SLC44A5: variants seen among roughly 807,000 people sequenced by gnomAD.
SLC44A5 encodes solute carrier family 44 member 5.
A neutral mutation model predicts 101.8 loss-of-function variants in SLC44A5; 57 were observed. That is an observed-to-expected ratio of 0.56 (90% confidence interval 0.45 to 0.70). SLC44A5 has a LOEUF of 0.70. Ranked by LOEUF, SLC44A5 falls within the 30% of genes least tolerant of loss-of-function variation. The pLI is 0.00. For synonymous variants in SLC44A5, 281 were observed against 290.9 expected (o/e 0.97, Z 0.35); for missense variants, 737 against 853.1 (o/e 0.86, Z 1.70).
intron 1 of SLC44A5, among the ~76,000 whole-genome samples, chr1:75,599,256 C>T (rs1674829860): frequency 6.6e-6 from 1 of 152,018 alleles, no homozygotes; most frequent in African/African-American, 2.4e-5. Flanking sequence ...TTGGGAGCAA[C>T]GCTAAGAAAG....
At chr1:75,540,738 G>A (rs1353145387) in intron 2 of SLC44A5, among the ~76,000 whole-genome samples, 1 of 151,672 alleles carries the variant, frequency 6.6e-6, no homozygotes, top group Non-Finnish European at 1.5e-5. Context: ...TTACCTTCAC[G>A]AAGGAATACA....
intron 12 of SLC44A5, among the ~76,000 whole-genome samples, chr1:75,232,715 T>G (rs2100563253): frequency 6.6e-6 from 1 of 152,318 alleles, no homozygotes; most frequent in East Asian, 1.9e-4. Flanking sequence ...GAGCTTTATA[T>G]TCATTGTCTC....
the SLC44A5 span, chr1:75,677,741 A>T: frequency 2.3e-6 from 1 of 441,812 alleles, no homozygotes; most frequent in Non-Finnish European, 4.5e-6. Context: ...TATAAAAAAC[A>T]CATTTCCAAG....
intron 4 of SLC44A5, among the ~76,000 whole-genome samples, chr1:75,329,822 C>T (rs989893325): frequency 6.6e-6 from 1 of 152,014 alleles, no homozygotes; most frequent in Non-Finnish European, 1.5e-5. Context: ...TGGTACATGC[C>T]TACTCCTATT....
chr1:75,307,534 T>C (rs1483472738), intron 4 of SLC44A5, among the ~76,000 whole-genome samples: 2 of 152,208 alleles, frequency 1.3e-5, no homozygotes, highest in African/African-American at 2.4e-5. Flanking sequence ...TACTAGTCAG[T>C]GTCAGCTGGA....
chr1:75,228,290 G>C (rs190419122), intron 12 of SLC44A5, among the ~76,000 whole-genome samples: 5 of 151,982 alleles, frequency 3.3e-5, no homozygotes, highest in Admixed American at 6.6e-5. Flanking sequence ...TTTAGGGTTG[G>C]CATATTTTTA....
At chr1:75,329,848 GAGATA>G (rs1656887226) in intron 4 of SLC44A5, among the ~76,000 whole-genome samples, 1 of 151,990 alleles carries the variant, frequency 6.6e-6, no homozygotes, top group Admixed American at 6.6e-5. Context: ...GCCATTGCAA[GAGATA>G]ATATCTACCT....
At chr1:75,564,872 T>G (rs1026186721) in intron 1 of SLC44A5, among the ~76,000 whole-genome samples, 2 of 152,162 alleles carry the variant, frequency 1.3e-5, no homozygotes, top group African/African-American at 4.8e-5. Context: ...TCCACCCACC[T>G]CGGCCTCCCA....
rs140571072 is a variant in SLC44A5 at position 75,422,988 on chromosome 1, T to C, written c.14-26367A>G. Among the ~76,000 whole-genome samples the C allele has an allele frequency of 4.5e-3, 682 of 152,292 alleles. 6 individuals carry two copies. Among genetic ancestry groups the C allele is most frequent in the African/African-American group, 0.016 (657 of 41,574 alleles). ...AACAAACAAACAAAAAATAAAATAG[T>C]AAAGTCTTCCATTTTCTCTGCTCTC... On this transcript the variant is annotated intron_variant, in intron 2 of 23. Transcript: ENST00000370859.
the SLC44A5 span, among the ~76,000 whole-genome samples, chr1:75,674,380 A>T: frequency 6.7e-6 from 1 of 149,106 alleles, no homozygotes; most frequent in South Asian, 2.1e-4. Context: ...CAAAAGAAAA[A>T]AGGATTTTTT....
chr1:75,220,790 T>A, intron 14 of SLC44A5, among the ~76,000 whole-genome samples: 1 of 152,128 alleles, frequency 6.6e-6, no homozygotes, highest in East Asian at 1.9e-4. Context: ...AATGCATTGA[T>A]GCTTAGATTT....
chr1:75,697,906 A>C, the SLC44A5 span, among the ~76,000 whole-genome samples: 1 of 152,316 alleles, frequency 6.6e-6, no homozygotes, highest in African/African-American at 2.4e-5. Flanking sequence ...GCACCTGGAA[A>C]ATCGGGTCAC....
chr1:75,576,760 A>G (rs1673392386), intron 1 of SLC44A5, among the ~76,000 whole-genome samples: 1 of 152,142 alleles, frequency 6.6e-6, no homozygotes, highest in Non-Finnish European at 1.5e-5. Flanking sequence ...CGCAGATCTC[A>G]TGGTGCTTAG....
chr1:75,629,038 C>G, the SLC44A5 span, among the ~76,000 whole-genome samples: 1 of 151,984 alleles, frequency 6.6e-6, no homozygotes, highest in Non-Finnish European at 1.5e-5. Context: ...GCAGAACAAT[C>G]ATAAACACCC....
intron 5 of SLC44A5, among the ~76,000 whole-genome samples, chr1:75,297,465 C>T (rs569226608): frequency 3.9e-5 from 6 of 151,964 alleles, no homozygotes; most frequent in Middle Eastern, 6.8e-3. Flanking sequence ...TTGTATTTCT[C>T]GTAGGGACAG....
At chr1:75,227,484 A>G (rs957132874) in intron 13 of SLC44A5, among the ~76,000 whole-genome samples, 1 of 152,184 alleles carries the variant, frequency 6.6e-6, no homozygotes, top group African/African-American at 2.4e-5. Flanking sequence ...ACAACCAAAC[A>G]ATTTTAATTT....
At chr1:75,543,884 C>T (rs1671499975) in intron 1 of SLC44A5, among the ~76,000 whole-genome samples, 1 of 151,894 alleles carries the variant, frequency 6.6e-6, no homozygotes, top group African/African-American at 2.4e-5. Flanking sequence ...TTCATTTTGG[C>T]AATGTCAAAT....
chr1:75,219,451 A>T (rs1305768527), intron 15 of SLC44A5, 107 bp from the exon 16 acceptor site: 1 of 763,486 alleles, frequency 1.3e-6, no homozygotes, highest in African/African-American at 1.8e-5. Flanking sequence ...AACTTAAAAA[A>T]TGCCTAATAT....
chr1:75,615,436 TACACACACACAC>T (rs56337760), upstream of SLC44A5, among the ~76,000 whole-genome samples: 42,662 of 133,468 alleles, frequency 0.32, 7,547 homozygotes, highest in Non-Finnish European at 0.42. Flanking sequence ...CACACATACA[TACACACACACAC>T]ACACACACAC....
Sources: gnomAD v4.1 joint callset for allele counts (sites outside exome capture counted in the v4.1 genomes callset) on GRCh38, gnomAD v4.1.1 for gene constraint, MANE v1.5 for transcripts, NCBI Gene and HGNC (gene_info 2026-07-23, HGNC 2026-07-21) for gene names.